ACTR2: variants seen among roughly 807,000 people sequenced by gnomAD.
ACTR2 encodes actin related protein 2.
ACTR2 carries 5 observed loss-of-function variants against 50.2 expected under a neutral mutation model. The observed-to-expected ratio is 0.10, with a 90% CI of 0.05 to 0.21. The LOEUF is 0.21. Among genes scored for constraint, ACTR2 ranks in the 10% least tolerant of loss-of-function variants. ACTR2 has a pLI of 1.00. For missense variants in ACTR2, 180 were observed against 480.6 expected, an observed-to-expected ratio of 0.37 and a Z score of 5.85; for synonymous variants, 140 against 162.9, an observed-to-expected ratio of 0.86 and a Z score of 1.07.
At chr2:65,267,867 T>TG in intron 8 of ACTR2, among the ~76,000 whole-genome samples, 1 of 113,662 alleles carries the variant, frequency 8.8e-6, no homozygotes, top group South Asian at 2.9e-4. Context: ...GTCCTCTTTT[T>TG]TTTTTTTTTT....
chr2:65,265,348 G>GTCGGCCGGGCGCGGTGGC, intron 8 of ACTR2, 173 bp downstream of exon 8: 1 of 783,244 alleles, frequency 1.3e-6, no homozygotes, highest in Non-Finnish European at 2.1e-6. Flanking sequence ...ATAAGCTCTG[G>GTCGGCCGGGCGCGGTGGC]TCACCTCTAT....
chr2:65,237,905 G>A (rs533021646), intron 1 of ACTR2, among the ~76,000 whole-genome samples: 1 of 152,208 alleles, frequency 6.6e-6, no homozygotes, highest in East Asian at 1.9e-4. Context: ...ACTTGAACCC[G>A]TGGGCGGGGG....
At chr2:65,255,331 T>G (rs577854324) in intron 5 of ACTR2, among the ~76,000 whole-genome samples, 7 of 152,348 alleles carry the variant, frequency 4.6e-5, no homozygotes, top group East Asian at 3.9e-4. Context: ...TTTACTGACT[T>G]ACTTATGAAT....
intron 1 of ACTR2, among the ~76,000 whole-genome samples, chr2:65,231,725 C>T (rs908032560): frequency 2.0e-5 from 3 of 152,120 alleles, no homozygotes; most frequent in African/African-American, 7.2e-5. Flanking sequence ...TTCTTTTAAC[C>T]TCTCTGGCAG....
intron 6 of ACTR2, among the ~76,000 whole-genome samples, chr2:65,258,745 G>A (rs1052049873): frequency 1.3e-5 from 2 of 152,124 alleles, no homozygotes; most frequent in Admixed American, 1.3e-4. Flanking sequence ...TGGGATGCCT[G>A]CAGTTTTAAC....
Position 65,253,844 on chromosome 2 carries a change from A to G in ACTR2, c.565A>G (p.Ile189Val), listed in dbSNP as rs753682530. 2 of 1,611,930 alleles carry G rather than the reference A, an allele frequency of 1.2e-6. No homozygotes were observed. The change falls in exon 5 of 9, where the codon ATA (isoleucine) becomes GTA (valine). Residue 189 changes from isoleucine (I) to valine (V), a missense_variant. Ile to Val is a conservative substitution (Grantham distance 29, BLOSUM62 3). Coordinates refer to ENST00000260641, the MANE Select transcript of ACTR2 (RefSeq NM_005722.4). The stretch of plus-strand genomic sequence containing the variant: ...GAGACTGGATATTGCTGGGAGGGAT[A>G]TAACTAGATATCTTATCAAGGTAAG... ...TRRLDIAGRD[I>V]TRYLIKLLLL... is the part of the protein sequence containing the mutation.
intron 1 of ACTR2, among the ~76,000 whole-genome samples, chr2:65,233,931 C>A (rs1671685773): frequency 6.6e-6 from 1 of 151,142 alleles, no homozygotes. Flanking sequence ...CTGACAGGGT[C>A]TCACTCTGTT....
chr2:65,262,552 G>T (rs1672289073), intron 7 of ACTR2, among the ~76,000 whole-genome samples: 1 of 151,836 alleles, frequency 6.6e-6, no homozygotes, highest in Non-Finnish European at 1.5e-5. Flanking sequence ...GTATATTTTT[G>T]TTAGATATTG....
chr2:65,250,763 A>C (rs1672032936), intron 3 of ACTR2, among the ~76,000 whole-genome samples: 2 of 151,816 alleles, frequency 1.3e-5, no homozygotes, highest in South Asian at 4.2e-4. Context: ...CACACTAATT[A>C]GTCATTAACT....
intron 1 of ACTR2, 80 bp from the exon 2 acceptor site, chr2:65,239,772 G>A (rs1371064459): frequency 1.1e-6 from 1 of 904,100 alleles, no homozygotes; most frequent in African/African-American, 1.7e-5. Flanking sequence ...TAAATGCAAA[G>A]TGATATTTTT....
intron 8 of ACTR2, among the ~76,000 whole-genome samples, chr2:65,266,252 G>A (rs4671123): frequency 0.32 from 47,903 of 152,040 alleles, 8,228 homozygotes; most frequent in East Asian, 0.72. Flanking sequence ...TAGTGGTTGG[G>A]GAGGTAGTGT....
At chr2:65,251,182 A>G (rs1040933953) in intron 4 of ACTR2, 83 bp downstream of exon 4, 22 of 900,116 alleles carry the variant, frequency 2.4e-5, no homozygotes, top group South Asian at 1.9e-4. Flanking sequence ...TGGTTTCTCA[A>G]TAAGTTATAA....
chr2:65,229,368 C>G (rs982210148), intron 1 of ACTR2, among the ~76,000 whole-genome samples: 7 of 152,098 alleles, frequency 4.6e-5, no homozygotes, highest in Admixed American at 4.6e-4. Flanking sequence ...CATAATACTG[C>G]CCTTGATTAG....
At chr2:65,242,948 G>C (rs1193503190) in intron 2 of ACTR2, among the ~76,000 whole-genome samples, 2 of 152,156 alleles carry the variant, frequency 1.3e-5, no homozygotes, top group African/African-American at 4.8e-5. Context: ...CTAAATAAAA[G>C]ATCATAACAT....
At chr2:65,238,754 G>A (rs1321359431) in intron 1 of ACTR2, among the ~76,000 whole-genome samples, 2 of 151,818 alleles carry the variant, frequency 1.3e-5, no homozygotes, top group Non-Finnish European at 2.9e-5. Flanking sequence ...GAGCAGCTGA[G>A]GTCAGGAGTT....
At chr2:65,228,888 A>T (rs75226033) in intron 1 of ACTR2, among the ~76,000 whole-genome samples, 1 of 152,058 alleles carries the variant, frequency 6.6e-6, no homozygotes, top group African/African-American at 2.4e-5. Context: ...AGACCAGCCC[A>T]GCCAACGTGG....
chr2:65,238,827 G>T (rs889890910), intron 1 of ACTR2, among the ~76,000 whole-genome samples: 10 of 152,032 alleles, frequency 6.6e-5, no homozygotes, highest in African/African-American at 2.4e-4. Flanking sequence ...AATTAGCTGG[G>T]CATGGTGGTG....
chr2:65,248,300 T>G (rs1671977897), intron 3 of ACTR2, among the ~76,000 whole-genome samples: 1 of 152,066 alleles, frequency 6.6e-6, no homozygotes, highest in African/African-American at 2.4e-5. Context: ...CTTGGGAGGC[T>G]GGGGCAGGAG....
At chr2:65,261,418 G>A in intron 7 of ACTR2, 26 bp downstream of exon 7, 1 of 1,579,942 alleles carries the variant, frequency 6.3e-7, no homozygotes, top group Non-Finnish European at 8.6e-7. Context: ...TGATTTCAAA[G>A]TTATTTATCA....
Sources: gnomAD v4.1 joint callset for allele counts (sites outside exome capture counted in the v4.1 genomes callset) on GRCh38, gnomAD v4.1.1 for gene constraint, MANE v1.5 for transcripts, NCBI Gene and HGNC (gene_info 2026-07-23, HGNC 2026-07-21) for gene names.